Variants in MCUB observed in about 807,000 individuals in gnomAD.
MCUB encodes the protein calcium uniporter regulatory subunit MCUb, mitochondrial.
MCUB carries 46 observed loss-of-function variants against 41.4 expected under a neutral mutation model. The ratio of observed to expected loss-of-function variants is 1.11; its 90% CI spans 0.88 to 1.42. The LOEUF (loss-of-function observed/expected upper bound fraction) is 1.42. Ranked by LOEUF, MCUB falls within the 40% of genes most tolerant of loss-of-function variation. The pLI, the probability that MCUB is intolerant of heterozygous loss-of-function variation, is 0.00. For missense variants in MCUB, 403 were observed against 404.9 expected (o/e 1.00, Z 0.04); for synonymous variants, 148 against 148.2 (o/e 1.00, Z 0.01).
chr4:109,614,027 T>A (rs1053813806), intron 1 of MCUB, among the ~76,000 whole-genome samples: 4 of 152,222 alleles, frequency 2.6e-5, no homozygotes, highest in Non-Finnish European at 4.4e-5. Flanking sequence ...TGTAGGTTCA[T>A]GTATCCACCA....
chr4:109,581,733 C>T (rs891952897), intron 1 of MCUB, among the ~76,000 whole-genome samples: 27 of 152,298 alleles, frequency 1.8e-4, no homozygotes, highest in African/African-American at 6.0e-4. Flanking sequence ...TGAACAGACA[C>T]TTCTCAAAAG....
intron 1 of MCUB, among the ~76,000 whole-genome samples, chr4:109,563,876 C>T (rs757235194): frequency 3.3e-5 from 5 of 151,462 alleles, no homozygotes; most frequent in Admixed American, 6.6e-5. Flanking sequence ...CGTGAGCCAC[C>T]GCGCCCAGCC....
intron 4 of MCUB, among the ~76,000 whole-genome samples, chr4:109,669,785 C>T (rs1397379770): frequency 6.6e-6 from 1 of 151,168 alleles, no homozygotes; most frequent in Non-Finnish European, 1.5e-5. Context: ...ATTCTTTCTT[C>T]AGCTATGTTT....
chr4:109,660,726 G>T (rs934177835), intron 3 of MCUB, among the ~76,000 whole-genome samples: 8 of 151,868 alleles, frequency 5.3e-5, no homozygotes, highest in African/African-American at 1.7e-4. Flanking sequence ...TGAGGCAGGA[G>T]AATTGCTTGA....
chr4:109,644,527 TTTACCTA>T (rs1328530560), intron 1 of MCUB, among the ~76,000 whole-genome samples: 2 of 152,238 alleles, frequency 1.3e-5, no homozygotes, highest in Non-Finnish European at 2.9e-5. Flanking sequence ...GAATTTACTA[TTTACCTA>T]TTGTTAGGCA....
At chr4:109,665,502 C>T (rs1729325220) in intron 4 of MCUB, among the ~76,000 whole-genome samples, 1 of 152,016 alleles carries the variant, frequency 6.6e-6, no homozygotes, top group African/African-American at 2.4e-5. Flanking sequence ...CAAACTCTAC[C>T]AAAATTCAAG....
intron 4 of MCUB, among the ~76,000 whole-genome samples, chr4:109,666,763 T>C (rs1729354736): frequency 6.6e-6 from 1 of 152,190 alleles, no homozygotes; most frequent in Non-Finnish European, 1.5e-5. Flanking sequence ...TTGAGGAAAT[T>C]GCCCTCTGTT....
At chr4:109,580,459 T>A (rs910807664) in intron 1 of MCUB, among the ~76,000 whole-genome samples, 3 of 152,208 alleles carry the variant, frequency 2.0e-5, no homozygotes, top group Non-Finnish European at 4.4e-5. Context: ...TGCCACACTG[T>A]CTTCCACAAT....
chr4:109,659,855 G>A (rs990993779), intron 2 of MCUB, among the ~76,000 whole-genome samples: 6 of 152,056 alleles, frequency 3.9e-5, no homozygotes, highest in Non-Finnish European at 2.9e-5. Context: ...ATGGGGTTTC[G>A]CCATGTTGCC....
chr4:109,610,393 T>C (rs1017073682), intron 1 of MCUB, among the ~76,000 whole-genome samples: 6 of 152,238 alleles, frequency 3.9e-5, no homozygotes, highest in African/African-American at 1.4e-4. Flanking sequence ...GGCCATTTTC[T>C]CTGCCCCTCT....
chr4:109,581,129 A>G (rs1727163882), intron 1 of MCUB, among the ~76,000 whole-genome samples: 1 of 152,216 alleles, frequency 6.6e-6, no homozygotes, highest in Admixed American at 6.5e-5. Flanking sequence ...ACTTCAAACT[A>G]TGCTACAAGG....
intron 1 of MCUB, among the ~76,000 whole-genome samples, chr4:109,654,504 G>T (rs1474308992): frequency 6.6e-6 from 1 of 151,944 alleles, no homozygotes; most frequent in African/African-American, 2.4e-5. Flanking sequence ...CCAGCTACTC[G>T]AGAGGGTGAG....
At position 109,611,352 on chromosome 4, in the gene MCUB, G is replaced by C. The variant is rs1406414530; in HGVS notation, c.100-47659G>C. Among the ~76,000 whole-genome samples, 3 of 152,338 alleles carry C rather than the reference G, an allele frequency of 2.0e-5. No individual in the cohort carries two copies. In the East Asian group the frequency reaches 5.8e-4, roughly 29 times the overall value. On this transcript the variant is annotated intron_variant, in intron 1 of 7. Transcript: ENST00000394650. ...AGTTTTATCATCCTTTTGGATTAGA[G>C]CAGTTAAGTAGACAAATGGCTATAG...
At chr4:109,655,522 T>C (rs182556212) in intron 1 of MCUB, among the ~76,000 whole-genome samples, 25 of 151,898 alleles carry the variant, frequency 1.6e-4, no homozygotes, top group African/African-American at 4.8e-4. Context: ...AGAGTTACCT[T>C]GTTAAAACCA....
At position 109,608,048 on chromosome 4, in the gene MCUB, T is replaced by A. The variant is rs142485649; in HGVS notation, c.99+47612T>A. Among the ~76,000 whole-genome samples the A allele has an allele frequency of 9.3e-4, 142 of 152,308 alleles. 3 individuals are homozygous for A. The East Asian group carries it at 0.024, about 25-fold the overall frequency. On this transcript the variant is annotated intron_variant, in intron 1 of 7. Coordinates refer to ENST00000394650, the MANE Select transcript of MCUB (RefSeq NM_017918.5). ...GATATGACCCTTTGAAGCCCTTCTC[T>A]AGATATTGTAGGTGTGCTTCATTTT...
intron 4 of MCUB, among the ~76,000 whole-genome samples, chr4:109,674,870 A>T (rs1480452570): frequency 6.6e-6 from 1 of 152,238 alleles, no homozygotes; most frequent in Non-Finnish European, 1.5e-5. Flanking sequence ...TGTGTTGCTT[A>T]TTTTTTACAT....
intron 1 of MCUB, among the ~76,000 whole-genome samples, chr4:109,650,196 T>G (rs1444260604): frequency 6.6e-6 from 1 of 152,154 alleles, no homozygotes; most frequent in Non-Finnish European, 1.5e-5. Flanking sequence ...TTTTCAGAAT[T>G]TTAATAATAA....
At chr4:109,610,172 G>A (rs1001445619) in intron 1 of MCUB, among the ~76,000 whole-genome samples, 1 of 152,200 alleles carries the variant, frequency 6.6e-6, no homozygotes, top group Admixed American at 6.5e-5. Context: ...CTTCAGGTAA[G>A]TGGGCTCGCC....
chr4:109,597,043 T>C (rs1257764674), intron 1 of MCUB, among the ~76,000 whole-genome samples: 1 of 151,506 alleles, frequency 6.6e-6, no homozygotes, highest in Non-Finnish European at 1.5e-5. Flanking sequence ...GAGCACAGGG[T>C]TGGGGGTAAG....
Sources: gnomAD v4.1 joint callset for allele counts (sites outside exome capture counted in the v4.1 genomes callset) on GRCh38, gnomAD v4.1.1 for gene constraint, MANE v1.5 for transcripts, NCBI Gene and HGNC (gene_info 2026-07-23, HGNC 2026-07-21) for gene names.